The following ARHGEF7 variants were observed in gnomAD, a reference collection of about 807,000 sequenced individuals.
ARHGEF7 encodes the protein Rho guanine nucleotide exchange factor 7, also known as PAK-interacting exchange factor beta.
ARHGEF7 carries 33 observed loss-of-function variants against 109.8 expected under a neutral mutation model. The observed-to-expected ratio is 0.30, with a 90% CI of 0.23 to 0.40. ARHGEF7 has a LOEUF of 0.40. ARHGEF7 is among the 10% of genes least tolerant of loss of function. ARHGEF7 has a pLI of 1.00. For missense variants in ARHGEF7, 938 were observed against 1,098.5 expected, an observed-to-expected ratio of 0.85 and a Z score of 2.07; for synonymous variants, 458 against 424.6, an observed-to-expected ratio of 1.08 and a Z score of -0.97.
At chr13:111,301,252 G>C (rs2093559486) in intron 20 of ARHGEF7, among the ~76,000 whole-genome samples, 2 of 152,140 alleles carry the variant, frequency 1.3e-5, no homozygotes, top group African/African-American at 4.8e-5. Flanking sequence ...CCTGGCCAGA[G>C]CTTCACTTTT....
rs564582451 is a variant in ARHGEF7 at position 111,255,531 on chromosome 13, G to A, written c.950+11237G>A. On this transcript the variant is annotated intron_variant, in intron 8 of 21. Transcript: ENST00000646102. The surrounding 1 kb of genome is among the most constrained non-coding windows in gnomAD (Gnocchi z 4.1). ...GCAAATGCTCGGGGCCCTACTTGGC[G>A]TCTGGAGCTGAGTTCTCCTGCAGCC... 2.0e-5 allele frequency among the ~76,000 whole-genome samples: 3 copies of A among 152,334 alleles called. No individual in the cohort carries two copies. The highest frequency in any genetic ancestry group is 4.1e-4 in the South Asian group (2 of 4,826).
At chr13:111,289,188 C>A (rs923475212) in intron 18 of ARHGEF7, among the ~76,000 whole-genome samples, 1 of 152,132 alleles carries the variant, frequency 6.6e-6, no homozygotes, top group African/African-American at 2.4e-5. Flanking sequence ...CGCACCACCA[C>A]GCCCGGCTAA....
At chr13:111,125,135 A>G (rs1427626189) in intron 1 of ARHGEF7, among the ~76,000 whole-genome samples, 1 of 152,070 alleles carries the variant, frequency 6.6e-6, no homozygotes, top group Non-Finnish European at 1.5e-5. Context: ...ATTTTTTTTC[A>G]AGAGAAGTGA....
chr13:111,221,493 A>ACC (rs2084218804), intron 5 of ARHGEF7, among the ~76,000 whole-genome samples: 1 of 43,588 alleles, frequency 2.3e-5, no homozygotes, highest in Non-Finnish European at 4.7e-5. Flanking sequence ...ATATATAGAC[A>ACC]TATATATATC....
At chr13:111,138,314 A>C (rs890694056) in intron 1 of ARHGEF7, among the ~76,000 whole-genome samples, 3 of 150,408 alleles carry the variant, frequency 2.0e-5, no homozygotes, top group African/African-American at 7.4e-5. Flanking sequence ...ACTCTGTCTC[A>C]AAAAAAACAA....
rs2085472261 is a variant in ARHGEF7, at chr13:111,228,122, C to G, written c.671-5083C>G. On this transcript the variant is annotated intron_variant, in intron 5 of 21. Transcript: ENST00000646102. This position sits in a 1 kb window ranked among gnomAD's most constrained non-coding sequence, Gnocchi z 4.6. The stretch of plus-strand genomic sequence containing the variant: ...TGAGGTAAGCGTGCAGGTCTGTGCT[C>G]TCTGCTCTCTACTGGCATCCAAAAA... Among the ~76,000 whole-genome samples the G allele has an allele frequency of 6.6e-6, 1 of 152,162 alleles. No individual in the cohort carries two copies.
chr13:111,178,278 G>A (rs1042272593), intron 2 of ARHGEF7, among the ~76,000 whole-genome samples: 6 of 152,166 alleles, frequency 3.9e-5, no homozygotes, highest in South Asian at 2.1e-4. Flanking sequence ...TTCCCAGTGA[G>A]TAATTACAAA....
In ARHGEF7 at chr13:111,280,667, C is replaced by T; in HGVS notation, c.1715C>T (p.Pro572Leu). The T allele has an allele frequency of 1.3e-6, 2 of 1,586,436 alleles. No individual in the cohort carries two copies. The highest frequency in any genetic ancestry group is 1.7e-6 in the Non-Finnish European group (2 of 1,168,044). Residue 572 changes from proline (P) to leucine (L), a missense_variant, in exon 15 of 22, where the codon CCA becomes CTA. Transcript: ENST00000646102. Reference sequence around the variant, plus strand: ...CCCACCATAAAGCCTCATTCAGTGCCATCTCATACCGTAAGGACTTGGTGC... The same window carrying T: ...CCCACCATAAAGCCTCATTCAGTGCTATCTCATACCGTAAGGACTTGGTGC... The part of the protein sequence containing the change: ...GNPTIKPHSV[P>L]SHTLPSHPVT...
At position 111,153,720 on chromosome 13, in the gene ARHGEF7, G is replaced by A. The variant is rs530441687; in HGVS notation, c.166-185G>A. 1.2e-4 allele frequency: 161 copies of A among 1,329,292 alleles called. No individual in the cohort carries two copies. The African/African-American group carries it at 2.1e-3, about 17-fold the overall frequency. 82.3% of individuals were successfully genotyped at this position (1,329,292 alleles called of 1,614,324 possible). ...GGTGCAGCCCCGGAGGAAGAAAAAA[G>A]GGTGAGGAGAAGCAGCGGCTGAGCG... On this transcript the variant is annotated intron_variant, in intron 1 of 21. Transcript: ENST00000646102.
chr13:111,241,012 T>C, intron 6 of ARHGEF7: 1 of 785,332 alleles, frequency 1.3e-6, no homozygotes, highest in East Asian at 3.0e-5. Context: ...GAATAAAGTG[T>C]CTGTGTCTGC....
At chr13:111,254,431 G>C (rs7990380) in intron 8 of ARHGEF7, among the ~76,000 whole-genome samples, 1,384 of 118,706 alleles carry the variant, frequency 0.012, 151 homozygotes, top group South Asian at 0.021. Context: ...TGAAGGCCGG[G>C]CTCAGAAGAG....
intron 2 of ARHGEF7, among the ~76,000 whole-genome samples, chr13:111,195,922 C>T (rs1489242176): frequency 6.6e-6 from 1 of 152,146 alleles, no homozygotes; most frequent in East Asian, 1.9e-4. Context: ...TCCTCTTGGT[C>T]CCTATTATAG....
intron 2 of ARHGEF7, among the ~76,000 whole-genome samples, chr13:111,177,938 C>T (rs1342609269): frequency 1.3e-5 from 2 of 152,166 alleles, no homozygotes; most frequent in Non-Finnish European, 2.9e-5. Context: ...AACTCGCACG[C>T]AGTGTGGTCC....
intron 8 of ARHGEF7, among the ~76,000 whole-genome samples, chr13:111,248,407 T>C (rs1285497581): frequency 1.3e-5 from 2 of 152,234 alleles, no homozygotes; most frequent in Admixed American, 6.5e-5. Flanking sequence ...CTTGAAAATT[T>C]ATGTCTTTTA....
At chr13:111,155,087 T>A (rs562114775) in intron 2 of ARHGEF7, among the ~76,000 whole-genome samples, 1 of 152,294 alleles carries the variant, frequency 6.6e-6, no homozygotes, top group South Asian at 2.1e-4. Context: ...GTATGAAACC[T>A]AGAGATGATT....
At chr13:111,300,670 T>TG in intron 19 of ARHGEF7, 78 bp from the exon 20 acceptor site, 1 of 925,972 alleles carries the variant, frequency 1.1e-6, no homozygotes, top group South Asian at 1.7e-5. Flanking sequence ...TTAAGTGACA[T>TG]GGTATAGTCA....
At chr13:111,236,409 T>C (rs1161196653) in intron 6 of ARHGEF7, among the ~76,000 whole-genome samples, 1 of 152,186 alleles carries the variant, frequency 6.6e-6, no homozygotes, top group Non-Finnish European at 1.5e-5. Context: ...CTATGATTTT[T>C]TAAATTGAAA....
chr13:111,275,720 T>C, intron 12 of ARHGEF7, 42 bp downstream of exon 12: 1 of 1,612,392 alleles, frequency 6.2e-7, no homozygotes, highest in Non-Finnish European at 8.5e-7. Context: ...TCTGTCCCAC[T>C]CTTAGGAGCT....
chr13:111,173,170 C>T (rs2077759362), intron 2 of ARHGEF7, among the ~76,000 whole-genome samples: 1 of 152,178 alleles, frequency 6.6e-6, no homozygotes, highest in Admixed American at 6.5e-5. Context: ...AGAGTGCACA[C>T]AGATCCTGCC....
Sources: gnomAD v4.1 joint callset for allele counts (sites outside exome capture counted in the v4.1 genomes callset) on GRCh38, gnomAD v4.1.1 for gene constraint, Gnocchi (gnomAD v3.1) non-coding constraint, MANE v1.5 for transcripts, NCBI Gene and HGNC (gene_info 2026-07-23, HGNC 2026-07-21) for gene names.